The following OR2T2 variants were observed in gnomAD, a reference collection of about 807,000 sequenced individuals.
The protein encoded by OR2T2 is olfactory receptor 2T2.
For missense variants in OR2T2, 138 were observed against 409.1 expected (o/e 0.34, Z 5.72); for synonymous variants, 50 against 162.7 (o/e 0.31, Z 5.27).
At chr1:248,454,304 C>T (rs1662894007) in exon 3 of OR2T2, 3 of 44,994 alleles carry the variant, frequency 6.7e-5, no homozygotes, top group Non-Finnish European at 1.0e-4. Context: ...GTATTGCTAA[C>T]GTGTGATCGT....
chr1:248,453,720 G>A (rs1354051347), exon 3 of OR2T2: 3 of 1,595,496 alleles, frequency 1.9e-6, no homozygotes, highest in Non-Finnish European at 2.6e-6. Flanking sequence ...GTACTAGGGA[G>A]ATGTGGTTCC....
intron 2 of OR2T2, among the ~76,000 whole-genome samples, chr1:248,447,614 C>G (rs1164830613): frequency 6.6e-6 from 1 of 151,108 alleles, no homozygotes; most frequent in Non-Finnish European, 1.5e-5. Flanking sequence ...ATCATGTCCT[C>G]TCTCCTTCAG....
chr1:248,449,833 T>TCTTTTTC lies in OR2T2; in HGVS notation c.-22-2943_-22-2942insCTTTTTC, dbSNP rs1200144216. Among the ~76,000 whole-genome samples the TCTTTTTC allele has an allele frequency of 8.3e-5, 11 of 132,314 alleles. 1 individual carries two copies. The highest frequency in any genetic ancestry group is 2.2e-4 in the East Asian group (1 of 4,498). The allele number at this position is 132,314 out of a possible 152,430, so 86.8% of individuals were successfully genotyped here. A position where few individuals can be genotyped will look rare whatever the true frequency, so the allele number is the denominator to read the frequency against. On this transcript the variant is annotated intron_variant, in intron 2 of 2. Coordinates refer to ENST00000642130, the Ensembl canonical transcript of OR2T2. ...TTCTTTTTCTTTTTCTTTTTCTTTT[T>TCTTTTTC]TTTTTTTTTTGGAAAGACTAGTTGA...
chr1:248,446,456 C>G lies in OR2T2; in HGVS notation c.-245-133C>G, dbSNP rs1662655011. On this transcript the variant is annotated intron_variant, in intron 1 of 2. Coordinates refer to ENST00000642130, the Ensembl canonical transcript of OR2T2. ...ACCACTGCTGTTCCTGTGTAATCCT[C>G]CATGCCCTTACTCTCCATTTCCTCT... 1.4e-5 allele frequency: 2 copies of G among 144,938 alleles called. 1 individual carries two copies. The highest frequency in any genetic ancestry group is 5.7e-5 in the African/African-American group (2 of 35,132). 9.0% of individuals were successfully genotyped at this position (144,938 alleles called of 1,614,324 possible).
chr1:248,453,072 C>T (rs1319299778), exon 3 of OR2T2: 2 of 1,613,102 alleles, frequency 1.2e-6, no homozygotes, highest in Admixed American at 3.3e-5. Context: ...AAGGACAAGA[C>T]CATTTCCTTC....
rs1340785810 is a variant in OR2T2, at chr1:248,448,141, C to T, written c.-23+1330C>T. Among the ~76,000 whole-genome samples the T allele has an allele frequency of 2.0e-5, 3 of 151,016 alleles. No homozygotes were observed. The East Asian group carries it at 5.9e-4, about 30-fold the overall frequency. On this transcript the variant is annotated intron_variant, in intron 2 of 2. Coordinates refer to ENST00000642130, the Ensembl canonical transcript of OR2T2. ...TAGTGAAGCTGGCGATTTAGATGTGCCAAAGAGAGGCTGTAAGGTGCTTGC... is the reference window on the plus strand; with the variant it reads ...TAGTGAAGCTGGCGATTTAGATGTGTCAAAGAGAGGCTGTAAGGTGCTTGC...
intron 2 of OR2T2, among the ~76,000 whole-genome samples, chr1:248,450,296 GAA>G (rs1208707657): frequency 7.9e-6 from 1 of 126,760 alleles, no homozygotes; most frequent in Admixed American, 7.8e-5. Context: ...ACTCACATAT[GAA>G]CACACTACAC....
At chr1:248,447,872 GCAATCC>G (rs1383322799) in intron 2 of OR2T2, among the ~76,000 whole-genome samples, 1 of 148,036 alleles carries the variant, frequency 6.8e-6, no homozygotes, top group South Asian at 2.2e-4. Context: ...TAGTTAACCT[GCAATCC>G]GCCAGGTTGC....
chr1:248,447,130 T>C (rs1411443616), intron 2 of OR2T2, among the ~76,000 whole-genome samples: 1 of 151,890 alleles, frequency 6.6e-6, no homozygotes, highest in Non-Finnish European at 1.5e-5. Context: ...AAAAGAGAAA[T>C]TCACATCATT....
chr1:248,449,820 TTC>T (rs1205135099), intron 2 of OR2T2, among the ~76,000 whole-genome samples: 1 of 127,488 alleles, frequency 7.8e-6, no homozygotes, highest in Non-Finnish European at 1.5e-5. Context: ...CTTTTTCTTT[TTC>T]TTTTTCTTTT....
exon 3 of OR2T2, chr1:248,454,096 C>A (rs1250634361): frequency 1.6e-4 from 47 of 285,572 alleles, no homozygotes; most frequent in Non-Finnish European, 1.6e-4. Context: ...AGAGGGCATT[C>A]TCAGTCAAGT....
At chr1:248,450,320 C>T (rs553108999) in intron 2 of OR2T2, among the ~76,000 whole-genome samples, 3 of 142,808 alleles carry the variant, frequency 2.1e-5, no homozygotes, top group South Asian at 4.4e-4. Context: ...CACATGTACA[C>T]ACAACGCTCA....
chr1:248,453,949 T>C (rs540695370), exon 3 of OR2T2: 56 of 660,380 alleles, frequency 8.5e-5, no homozygotes, highest in Non-Finnish European at 1.3e-4. Flanking sequence ...TTCTGAAGAA[T>C]GTTCAGTGTC....
chr1:248,446,207 C>T (rs377688177), intron 1 of OR2T2, among the ~76,000 whole-genome samples: 9,600 of 141,026 alleles, frequency 0.068, 245 homozygotes, highest in East Asian at 0.16. Context: ...TTATTGAACC[C>T]ATAAGGCATC....
chr1:248,449,484 C>A (rs1662740810), intron 2 of OR2T2, 92 bp downstream of exon 3: 3 of 148,216 alleles, frequency 2.0e-5, no homozygotes, highest in Admixed American at 1.3e-4. Flanking sequence ...TCACCTGGCA[C>A]CCTGCAGAGA....
At chr1:248,450,312 C>T (rs1282539479) in intron 2 of OR2T2, among the ~76,000 whole-genome samples, 1 of 144,484 alleles carries the variant, frequency 6.9e-6, no homozygotes, top group African/African-American at 2.8e-5. Flanking sequence ...ACTACACACA[C>T]ATGTACACAC....
chr1:248,448,331 A>AT, intron 2 of OR2T2, among the ~76,000 whole-genome samples: 1 of 140,380 alleles, frequency 7.1e-6, no homozygotes, highest in South Asian at 2.5e-4. Context: ...GCCACAGTAT[A>AT]TTGTCTTAGG....
intron 2 of OR2T2, among the ~76,000 whole-genome samples, chr1:248,450,644 C>A (rs1255933554): frequency 0.036 from 5,242 of 145,070 alleles, 20 homozygotes; most frequent in African/African-American, 0.14. Flanking sequence ...CTCATTCTTG[C>A]CTATTTCAGT....
At position 248,453,117 on chromosome 1, in the gene OR2T2, C is replaced by A. The variant is rs149125804; in HGVS notation, c.320C>A (p.Thr107Asn). ...GCAGTTCAGATCTTCCTCTACCTGA[C>A]CCTGATTGGAGGGGAATTCTTCCTG... Residue 107 changes from threonine to asparagine, a missense_variant, in exon 3 of 3, where the codon ACC becomes AAC. Transcript: ENST00000642130. 2,260 of 1,602,778 alleles carry A rather than the reference C, an allele frequency of 1.4e-3. No homozygotes were observed. The African/African-American group carries it at 0.032, about 23-fold the overall frequency.
Sources: allele counts gnomAD v4.1 joint callset (sites outside exome capture counted in the v4.1 genomes callset), GRCh38; gene constraint gnomAD v4.1.1; transcripts MANE v1.5; gene names NCBI Gene and HGNC (gene_info 2026-07-23, HGNC 2026-07-21).